The following RBM27 variants were observed in gnomAD, a reference collection of about 807,000 sequenced individuals.
The protein encoded by RBM27 is RNA-binding protein 27.
Under a neutral mutation model 135.3 loss-of-function variants are expected in RBM27, and 22 were observed. That is an observed-to-expected ratio of 0.16 (90% CI 0.12 to 0.23). RBM27 has a LOEUF of 0.23. Among genes scored for constraint, RBM27 ranks in the 10% least tolerant of loss-of-function variants. The pLI is 1.00. For synonymous variants in RBM27, 481 were observed against 442.4 expected, an observed-to-expected ratio of 1.09 and a Z score of -1.10; for missense variants, 1,009 against 1,281.0, an observed-to-expected ratio of 0.79 and a Z score of 3.24.
chr5:146,244,543 C>T (rs1402219697), intron 8 of RBM27, among the ~76,000 whole-genome samples: 3 of 151,876 alleles, frequency 2.0e-5, no homozygotes, highest in Non-Finnish European at 4.4e-5. Flanking sequence ...GCCCCCCCAC[C>T]CCCTTTATTT....
chr5:146,244,443 ATAAC>A lies in RBM27; in HGVS notation c.1279+7017_1279+7020del, dbSNP rs377741936. Among the ~76,000 whole-genome samples the A allele has an allele frequency of 4.6e-3, 695 of 152,340 alleles. 2 individuals carry two copies. Among genetic ancestry groups the A allele is most frequent in the African/African-American group, 0.016 (672 of 41,580 alleles). On this transcript the variant is annotated intron_variant, in intron 8 of 20. Coordinates refer to ENST00000265271, the MANE Select transcript of RBM27 (RefSeq NM_018989.2). Reference sequence around the variant, plus strand: ...AATGTCATAGACCCTGTGAAAATAAATAACTAACTGTGTTTGGAATTTTGTGTAA... The same window carrying A: ...AATGTCATAGACCCTGTGAAAATAAATAACTGTGTTTGGAATTTTGTGTAA...
chr5:146,209,846 A>G (rs996990044), intron 1 of RBM27, among the ~76,000 whole-genome samples: 1 of 152,204 alleles, frequency 6.6e-6, no homozygotes, highest in Non-Finnish European at 1.5e-5. Context: ...AACTTTGGCC[A>G]GAAGACTTCT....
intron 19 of RBM27, among the ~76,000 whole-genome samples, chr5:146,276,158 T>C (rs1007247725): frequency 6.6e-6 from 1 of 152,170 alleles, no homozygotes; most frequent in African/African-American, 2.4e-5. Flanking sequence ...CATTAATCTT[T>C]CTGCTTCCCA....
In RBM27 at chr5:146,233,577, A is replaced by C. The variant is rs767681261; in HGVS notation, c.978A>C (p.Pro326=). The change falls in exon 7 of 21, where the codon CCA becomes CCC. Residue 326 remains proline, a synonymous_variant. Transcript: ENST00000265271. ...CCCCTCCTCCTGGGCTTCCTCCTCC[A>C]CCACCTCCTGGAATGTTAATGCCTC... ...FPPPPPGLPP[P]PPPGMLMPPM... 1.2e-6 allele frequency: 2 copies of C among 1,609,994 alleles called. No individual in the cohort carries two copies. Among genetic ancestry groups the C allele is most frequent in the East Asian group, 2.2e-5 (1 of 44,596 alleles).
At chr5:146,279,273 C>A (rs1424549720) in intron 19 of RBM27, among the ~76,000 whole-genome samples, 1 of 150,464 alleles carries the variant, frequency 6.6e-6, no homozygotes, top group African/African-American at 2.4e-5. Context: ...CACAGTGAAA[C>A]CCCATCTCTA....
chr5:146,251,899 T>C, intron 9 of RBM27, 24 bp downstream of exon 9: 2 of 1,608,212 alleles, frequency 1.2e-6, no homozygotes, highest in African/African-American at 2.7e-5. Flanking sequence ...CAGATGGCCA[T>C]CCACCTCACT....
intron 14 of RBM27, among the ~76,000 whole-genome samples, chr5:146,265,713 C>T (rs1246850867): frequency 3.9e-5 from 6 of 152,150 alleles, no homozygotes; most frequent in Non-Finnish European, 8.8e-5. Flanking sequence ...AAAGAAAGCT[C>T]TTTCTAATCA....
At chr5:146,225,234 G>A (rs1009871563) in intron 3 of RBM27, among the ~76,000 whole-genome samples, 3 of 151,932 alleles carry the variant, frequency 2.0e-5, no homozygotes, top group Non-Finnish European at 4.4e-5. Flanking sequence ...AGTGCTGGGA[G>A]TACAGGCATG....
At chr5:146,243,852 C>T (rs545061895) in intron 8 of RBM27, among the ~76,000 whole-genome samples, 2 of 152,086 alleles carry the variant, frequency 1.3e-5, no homozygotes, top group Admixed American at 6.6e-5. Flanking sequence ...AAAGTAAACA[C>T]AGAAAAACGA....
At chr5:146,223,638 G>A (rs1056359425) in intron 3 of RBM27, 111 bp downstream of exon 3, 10 of 1,247,304 alleles carry the variant, frequency 8.0e-6, no homozygotes, top group African/African-American at 7.7e-5. Flanking sequence ...TCAAGTTTCC[G>A]GATTTTAGGC....
At chr5:146,276,714 T>G (rs1019369902) in intron 19 of RBM27, among the ~76,000 whole-genome samples, 9 of 152,276 alleles carry the variant, frequency 5.9e-5, no homozygotes, top group African/African-American at 1.9e-4. Context: ...TTGGAGAAAG[T>G]TTTTTAGATA....
At chr5:146,275,496 G>C (rs1335050528) in intron 19 of RBM27, among the ~76,000 whole-genome samples, 1 of 151,946 alleles carries the variant, frequency 6.6e-6, no homozygotes, top group Admixed American at 6.6e-5. Flanking sequence ...TCAAACTCCT[G>C]ACCTCAGGTG....
intron 20 of RBM27, 106 bp downstream of exon 20, chr5:146,284,838 A>G (rs1486922058): frequency 1.5e-6 from 1 of 656,454 alleles, no homozygotes; most frequent in Admixed American, 3.1e-5. Flanking sequence ...TTTTTCTTTC[A>G]TGCATGCAAA....
intron 8 of RBM27, among the ~76,000 whole-genome samples, chr5:146,245,614 A>G (rs1427958385): frequency 3.3e-5 from 5 of 152,230 alleles, no homozygotes; most frequent in Non-Finnish European, 7.3e-5. Flanking sequence ...ATTCTGTGGC[A>G]TTATGTAGAA....
At chr5:146,282,614 A>G (rs750422898) in intron 19 of RBM27, among the ~76,000 whole-genome samples, 2 of 152,362 alleles carry the variant, frequency 1.3e-5, no homozygotes, top group Non-Finnish European at 2.9e-5. Context: ...AGTAATCTAG[A>G]GAGGATTCAA....
At chr5:146,242,709 G>A (rs1012671325) in intron 8 of RBM27, among the ~76,000 whole-genome samples, 2 of 151,918 alleles carry the variant, frequency 1.3e-5, no homozygotes, top group African/African-American at 2.4e-5. Context: ...TTCTTCTGCC[G>A]GAGCTTCCCC....
intron 1 of RBM27, among the ~76,000 whole-genome samples, chr5:146,205,307 C>T (rs1755586331): frequency 6.6e-6 from 1 of 152,170 alleles, no homozygotes. Context: ...CTCCTTGCTT[C>T]TGCTTTATTA....
chr5:146,226,986 A>G (rs1756707539), intron 3 of RBM27, among the ~76,000 whole-genome samples: 1 of 152,176 alleles, frequency 6.6e-6, no homozygotes, highest in African/African-American at 2.4e-5. Context: ...ATCTTTGGCT[A>G]ATTGTCTTTT....
At chr5:146,264,819 A>G (rs1758549847) in intron 14 of RBM27, among the ~76,000 whole-genome samples, 1 of 152,208 alleles carries the variant, frequency 6.6e-6, no homozygotes, top group East Asian at 1.9e-4. Context: ...GGAGTTTATT[A>G]TATAATAACA....
Sources: gnomAD v4.1 joint callset for allele counts (sites outside exome capture counted in the v4.1 genomes callset) on GRCh38, gnomAD v4.1.1 for gene constraint, MANE v1.5 for transcripts, NCBI Gene and HGNC (gene_info 2026-07-23, HGNC 2026-07-21) for gene names.